SLC67A2: variants seen among roughly 807,000 people sequenced by gnomAD.
The protein encoded by SLC67A2 is solute carrier family 67 member 2.
At chr2:102,723,100 A>C in the SLC67A2 span, among the ~76,000 whole-genome samples, 4 of 152,254 alleles carry the variant, frequency 2.6e-5, no homozygotes, top group Non-Finnish European at 5.9e-5. Flanking sequence ...CCACAACGAA[A>C]AATCACCTCG....
the SLC67A2 span, chr2:102,718,283 TG>T: frequency 9.8e-7 from 1 of 1,022,374 alleles, no homozygotes. Context: ...AGAGCTGACC[TG>T]GAAGCCCAAC....
the SLC67A2 span, chr2:102,736,838 G>A: frequency 1.3e-6 from 2 of 1,579,116 alleles, no homozygotes; most frequent in East Asian, 2.3e-5. Context: ...GTCGGACGCA[G>A]CAGCAGCCGC....
the SLC67A2 span, among the ~76,000 whole-genome samples, chr2:102,725,237 C>A: frequency 6.6e-6 from 1 of 152,162 alleles, no homozygotes; most frequent in Non-Finnish European, 1.5e-5. Context: ...TGAAGCAGAA[C>A]CCTGTGAAGC....
chr2:102,727,344 G>A, the SLC67A2 span, among the ~76,000 whole-genome samples: 4 of 152,076 alleles, frequency 2.6e-5, no homozygotes, highest in South Asian at 8.3e-4. Context: ...AAAAAATTTA[G>A]AAAATACTGA....
At chr2:102,732,087 T>C in the SLC67A2 span, 1 of 633,158 alleles carries the variant, frequency 1.6e-6, no homozygotes, top group Non-Finnish European at 3.0e-6. Context: ...ACTAGTGGCA[T>C]GGGACTTGGT....
the SLC67A2 span, among the ~76,000 whole-genome samples, chr2:102,723,097 G>A: frequency 6.6e-6 from 1 of 152,170 alleles, no homozygotes; most frequent in Non-Finnish European, 1.5e-5. Flanking sequence ...AAACCACAAC[G>A]AAAAATCACC....
the SLC67A2 span, among the ~76,000 whole-genome samples, chr2:102,715,010 G>A: frequency 1.3e-5 from 2 of 152,114 alleles, no homozygotes; most frequent in East Asian, 1.9e-4. Context: ...CCTCAAAGCT[G>A]CACACTCATC....
the SLC67A2 span, among the ~76,000 whole-genome samples, chr2:102,727,174 A>AT: frequency 1.6e-3 from 230 of 146,882 alleles, 1 homozygote; most frequent in South Asian, 3.0e-3. Context: ...AACACAATGT[A>AT]TTTTTTTTTT....
the SLC67A2 span, among the ~76,000 whole-genome samples, chr2:102,721,293 ATG>A: frequency 1.3e-5 from 2 of 152,168 alleles, no homozygotes; most frequent in African/African-American, 4.8e-5. Flanking sequence ...TCAACGAGGC[ATG>A]TGTTTGAGAT....
At chr2:102,717,101 T>C in the SLC67A2 span, 3 of 152,178 alleles carry the variant, frequency 2.0e-5, no homozygotes, top group African/African-American at 7.2e-5. Flanking sequence ...GGCACAATCT[T>C]GGCTCACCGC....
chr2:102,722,376 A>ACC, the SLC67A2 span, among the ~76,000 whole-genome samples: 1 of 152,210 alleles, frequency 6.6e-6, no homozygotes, highest in South Asian at 2.1e-4. Context: ...AGAGAGGGGC[A>ACC]GGGTCTGCCC....
chr2:102,731,875 G>A, the SLC67A2 span: 2 of 292,990 alleles, frequency 6.8e-6, no homozygotes. Context: ...TATCTATGAT[G>A]TGTTGGTGAC....
chr2:102,736,427 G>T, the SLC67A2 span: 1 of 1,283,818 alleles, frequency 7.8e-7, no homozygotes, highest in Non-Finnish European at 1.0e-6. Context: ...CCGCGAACGG[G>T]GTGCAAGAGA....
chr2:102,718,666 C>T, the SLC67A2 span: 24 of 1,613,910 alleles, frequency 1.5e-5, no homozygotes, highest in African/African-American at 9.3e-5. Flanking sequence ...CCGTGATGCA[C>T]GTCCTGCCAA....
At chr2:102,718,165 C>G in the SLC67A2 span, 4 of 470,784 alleles carry the variant, frequency 8.5e-6, no homozygotes, top group African/African-American at 6.0e-5. Flanking sequence ...GAAGAGACTT[C>G]CAGGTAAACG....
chr2:102,718,241 C>T, the SLC67A2 span: 2 of 682,782 alleles, frequency 2.9e-6, no homozygotes, highest in South Asian at 3.7e-5. Flanking sequence ...GCCGTGACTT[C>T]TGATCATCCT....
chr2:102,730,155 AAAC>A, the SLC67A2 span, among the ~76,000 whole-genome samples: 554 of 152,362 alleles, frequency 3.6e-3, 5 homozygotes, highest in Non-Finnish European at 3.8e-3. Flanking sequence ...TCTGAAATTC[AAAC>A]AACTGAGTGG....
At chr2:102,730,185 G>C in the SLC67A2 span, among the ~76,000 whole-genome samples, 2 of 152,206 alleles carry the variant, frequency 1.3e-5, no homozygotes, top group Non-Finnish European at 2.9e-5. Flanking sequence ...GTAGGGCACT[G>C]ACAAGGTCGC....
At chr2:102,721,634 C>T in the SLC67A2 span, among the ~76,000 whole-genome samples, 47 of 151,948 alleles carry the variant, frequency 3.1e-4, no homozygotes, top group Non-Finnish European at 6.0e-4. Context: ...GCAACCAGCC[C>T]TGCATCCAAG....
Sources: gnomAD v4.1 joint callset for allele counts (sites outside exome capture counted in the v4.1 genomes callset) on GRCh38, gnomAD v4.1.1 for gene constraint, MANE v1.5 for transcripts, NCBI Gene and HGNC (gene_info 2026-07-23, HGNC 2026-07-21) for gene names.